The following CDH13 variants were observed in gnomAD, a reference collection of about 807,000 sequenced individuals.
CDH13 encodes the protein cadherin 13.
Under a neutral mutation model 63.8 loss-of-function variants are expected in CDH13, and 24 were observed. The observed-to-expected ratio is 0.38, with a 90% CI of 0.27 to 0.53. The LOEUF (loss-of-function observed/expected upper bound fraction) is 0.53, where lower values mean the gene tolerates loss of function less well. Among genes scored for constraint, CDH13 ranks in the 20% least tolerant of loss-of-function variants. CDH13 has a pLI of 0.85. For missense variants in CDH13, 1,049 were observed against 903.1 expected, an observed-to-expected ratio of 1.16 and a Z score of -2.07; for synonymous variants, 503 against 355.3, an observed-to-expected ratio of 1.42 and a Z score of -4.67.
chr16:83,554,153 C>G (rs1273810286), intron 7 of CDH13, among the ~76,000 whole-genome samples: 1 of 151,816 alleles, frequency 6.6e-6, no homozygotes, highest in African/African-American at 2.4e-5. Flanking sequence ...TCTTTCTAAA[C>G]CAGGGTATAG....
intron 3 of CDH13, among the ~76,000 whole-genome samples, chr16:83,092,500 G>C (rs1271902039): frequency 6.6e-6 from 1 of 152,196 alleles, no homozygotes; most frequent in Non-Finnish European, 1.5e-5. Context: ...GTCAGCCCTA[G>C]TTCCTTTTGA....
intron 11 of CDH13, chr16:83,772,936 A>G (rs1312448369): frequency 6.6e-6 from 1 of 152,226 alleles, no homozygotes; most frequent in Non-Finnish European, 1.5e-5. Flanking sequence ...AGGGAGAGAG[A>G]TTGAACTAAC....
rs538860535 is a variant in CDH13, at chr16:83,421,875, G to T, written c.782-64602G>T. On this transcript the variant is annotated intron_variant, in intron 6 of 13. Coordinates refer to ENST00000567109, the MANE Select transcript of CDH13 (RefSeq NM_001257.5). Reference sequence around the variant, plus strand: ...TTGAATAAGCTGATAAAATAGTCAAGATTACCCAAAGCACCTTCTCATGAA... The same window carrying T: ...TTGAATAAGCTGATAAAATAGTCAATATTACCCAAAGCACCTTCTCATGAA... Among the ~76,000 whole-genome samples the T allele has an allele frequency of 4.6e-5, 7 of 152,286 alleles. No homozygotes were observed. In the East Asian group the frequency reaches 1.2e-3, roughly 25 times the overall value.
chr16:83,252,526 C>G (rs1905706144), intron 5 of CDH13, among the ~76,000 whole-genome samples: 1 of 151,974 alleles, frequency 6.6e-6, no homozygotes, highest in Admixed American at 6.6e-5. Flanking sequence ...GTTATCTTTC[C>G]TCATGCTAAG....
intron 13 of CDH13, 56 bp from the exon 14 acceptor site, chr16:83,794,967 A>G: frequency 6.5e-7 from 1 of 1,539,150 alleles, no homozygotes; most frequent in South Asian, 1.2e-5. Context: ...TTTAGCTAAA[A>G]TGTTTTGAAT....
chr16:83,670,826 A>G lies in CDH13; in HGVS notation c.1138A>G (p.Ile380Val). The change falls in exon 9 of 14, where the codon ATT (isoleucine) becomes GTT (valine). Residue 380 changes from isoleucine (I) to valine (V), a missense_variant. Ile to Val is a conservative substitution (Grantham distance 29). Coordinates refer to ENST00000567109, the MANE Select transcript of CDH13 (RefSeq NM_001257.5). ...ATVEEGAVGV[I>V]VNLTVEDKDD... Reference sequence around the variant, plus strand: ...AGTCGAGGAAGGAGCTGTGGGAGTTATTGTCAATTTGACAGTTGAAGATAA... The same window carrying G: ...AGTCGAGGAAGGAGCTGTGGGAGTTGTTGTCAATTTGACAGTTGAAGATAA... 6.2e-7 allele frequency: 1 copy of G among 1,613,980 alleles called. No individual in the cohort carries two copies. The highest frequency in any genetic ancestry group is 8.5e-7 in the Non-Finnish European group (1 of 1,179,860).
chr16:83,299,677 A>T (rs559170895), intron 5 of CDH13, among the ~76,000 whole-genome samples: 1 of 152,360 alleles, frequency 6.6e-6, no homozygotes, highest in South Asian at 2.1e-4. Context: ...GATTCATGAT[A>T]AAAACCAAAC....
At chr16:83,177,732 G>A (rs2038186133) in intron 4 of CDH13, among the ~76,000 whole-genome samples, 1 of 152,042 alleles carries the variant, frequency 6.6e-6, no homozygotes, top group Admixed American at 6.6e-5. Flanking sequence ...TTAAATACGT[G>A]GTCAAGTATT....
intron 6 of CDH13, among the ~76,000 whole-genome samples, chr16:83,400,904 A>T (rs2151441903): frequency 6.6e-6 from 1 of 152,140 alleles, no homozygotes; most frequent in South Asian, 2.1e-4. Flanking sequence ...CCTACTAATG[A>T]TAGAAATTGC....
chr16:83,696,281 G>T (rs1232366627), intron 10 of CDH13, among the ~76,000 whole-genome samples: 2 of 152,182 alleles, frequency 1.3e-5, no homozygotes, highest in Admixed American at 1.3e-4. Context: ...AGTAGAGTGT[G>T]CAGGTTCGTT....
chr16:82,882,354 A>C (rs1271801715), intron 2 of CDH13, among the ~76,000 whole-genome samples: 2 of 152,148 alleles, frequency 1.3e-5, no homozygotes, highest in Non-Finnish European at 1.5e-5. Context: ...AGAGTCACTC[A>C]CTTCCTGAAG....
At chr16:82,660,610 G>T (rs74028507) in intron 1 of CDH13, among the ~76,000 whole-genome samples, 18,864 of 152,064 alleles carry the variant, frequency 0.12, 1,606 homozygotes, top group East Asian at 0.26. Flanking sequence ...CAGGAGGGAA[G>T]CTTCCAGAAG....
chr16:83,734,757 A>ATAATAATAAAT (rs1911377472), intron 10 of CDH13, among the ~76,000 whole-genome samples: 1 of 150,590 alleles, frequency 6.6e-6, no homozygotes, highest in Admixed American at 6.6e-5. Flanking sequence ...TAATAATAAA[A>ATAATAATAAAT]ACAGGGATTA....
At chr16:82,688,069 G>C (rs1597326091) in intron 1 of CDH13, among the ~76,000 whole-genome samples, 1 of 152,198 alleles carries the variant, frequency 6.6e-6, no homozygotes, top group South Asian at 2.1e-4. Context: ...TGACAACAGT[G>C]TTTGTGATTT....
At chr16:82,744,106 C>T (rs1216429131) in intron 1 of CDH13, among the ~76,000 whole-genome samples, 2 of 152,174 alleles carry the variant, frequency 1.3e-5, no homozygotes, top group Non-Finnish European at 1.5e-5. Context: ...GGATCTAAGT[C>T]ATCTCCCTTT....
At chr16:83,308,120 A>G (rs191296946) in intron 5 of CDH13, among the ~76,000 whole-genome samples, 9 of 152,276 alleles carry the variant, frequency 5.9e-5, no homozygotes, top group Non-Finnish European at 1.2e-4. Flanking sequence ...AGATAAATAT[A>G]CCTTAACACA....
chr16:82,923,813 G>A (rs1012705655), intron 2 of CDH13, among the ~76,000 whole-genome samples: 6 of 152,052 alleles, frequency 3.9e-5, no homozygotes. Flanking sequence ...TGAATTAATT[G>A]CATTTGAAAC....
In CDH13 at chr16:82,867,754, T is replaced by C. The variant is rs534409374; in HGVS notation, c.157+9281T>C. ...GCATCCTAAGGGAGGAAATACACTG[T>C]CAGTGAATTTAATGTCACAACAAAG... On this transcript the variant is annotated intron_variant, in intron 2 of 13. Transcript: ENST00000567109. 7.2e-5 allele frequency among the ~76,000 whole-genome samples: 11 copies of C among 152,342 alleles called. No homozygotes were observed. In the South Asian group the frequency reaches 2.3e-3, roughly 32 times the overall value.
intron 2 of CDH13, chr16:82,926,142 G>T (rs1288525592): frequency 6.6e-6 from 1 of 152,132 alleles, no homozygotes; most frequent in Non-Finnish European, 1.5e-5. Context: ...TTTCTATAAA[G>T]GTCCAGGTAG....
Sources: gnomAD v4.1 joint callset for allele counts (sites outside exome capture counted in the v4.1 genomes callset) on GRCh38, gnomAD v4.1.1 for gene constraint, MANE v1.5 for transcripts, NCBI Gene and HGNC (gene_info 2026-07-23, HGNC 2026-07-21) for gene names.